Variants in TMEM132D observed in about 807,000 individuals in gnomAD.
The protein encoded by TMEM132D is mature OL transmembrane protein.
TMEM132D carries 21 observed loss-of-function variants against 62.3 expected under a neutral mutation model. The observed-to-expected ratio is 0.34, with a 90% CI of 0.24 to 0.49. The LOEUF is 0.49. Among genes scored for constraint, TMEM132D ranks in the 20% least tolerant of loss-of-function variants. TMEM132D has a pLI of 0.99. For synonymous variants in TMEM132D, 621 were observed against 575.6 expected (o/e 1.08, Z -1.13); for missense variants, 1,346 against 1,402.8 (o/e 0.96, Z 0.65).
chr12:129,850,081 C>T (rs1873491275), intron 1 of TMEM132D, among the ~76,000 whole-genome samples: 1 of 152,192 alleles, frequency 6.6e-6, no homozygotes, highest in Non-Finnish European at 1.5e-5. Flanking sequence ...AACTATGATC[C>T]TAGACTTAGT....
At chr12:129,169,012 C>T (rs1555234181) in intron 5 of TMEM132D, among the ~76,000 whole-genome samples, 1 of 152,178 alleles carries the variant, frequency 6.6e-6, no homozygotes, top group Non-Finnish European at 1.5e-5. Context: ...AAGAATCTAC[C>T]TTTCAAATAT....
chr12:129,101,872 G>C (rs2135636377), intron 5 of TMEM132D, among the ~76,000 whole-genome samples: 1 of 152,178 alleles, frequency 6.6e-6, no homozygotes, highest in East Asian at 1.9e-4. Flanking sequence ...AAAACAATTA[G>C]ATGCAAACAA....
intron 1 of TMEM132D, among the ~76,000 whole-genome samples, chr12:129,798,242 G>A (rs1871624475): frequency 6.6e-6 from 1 of 152,066 alleles, no homozygotes; most frequent in African/African-American, 2.4e-5. Flanking sequence ...TATCGTCTAG[G>A]TACTTCTCTA....
At chr12:129,232,829 A>G (rs1430659691) in intron 4 of TMEM132D, among the ~76,000 whole-genome samples, 3 of 149,672 alleles carry the variant, frequency 2.0e-5, no homozygotes, top group East Asian at 2.0e-4. Context: ...GAGAGAGATA[A>G]AGAGAGAGAG....
chr12:129,301,461 A>T (rs1301041420), intron 4 of TMEM132D, among the ~76,000 whole-genome samples: 1 of 152,080 alleles, frequency 6.6e-6, no homozygotes, highest in Non-Finnish European at 1.5e-5. Context: ...AAAGAGGCTC[A>T]CCTAGGAACT....
In TMEM132D at chr12:129,793,168, C is replaced by T. The variant is rs1246733002; in HGVS notation, c.80-92470G>A. On this transcript the variant is annotated intron_variant, in intron 1 of 8. Coordinates refer to ENST00000422113, the MANE Select transcript of TMEM132D (RefSeq NM_133448.3). The stretch of plus-strand genomic sequence containing the variant: ...GGCTAAAGTGATTTCCCACCTCAGC[C>T]TCCCAGACTGCCAGGATTACAGGCA... 2.6e-5 allele frequency among the ~76,000 whole-genome samples: 4 copies of T among 151,880 alleles called. No individual in the cohort carries two copies. The East Asian group carries it at 7.7e-4, about 29-fold the overall frequency.
At chr12:129,307,626 C>G (rs1356968582) in intron 4 of TMEM132D, among the ~76,000 whole-genome samples, 1 of 152,126 alleles carries the variant, frequency 6.6e-6, no homozygotes, top group African/African-American at 2.4e-5. Flanking sequence ...GAGGCTTCCT[C>G]AGACATTCTC....
Position 129,078,605 on chromosome 12 carries a change from G to T in TMEM132D, c.2044C>A (p.Leu682Ile), listed in dbSNP as rs768548698. ...ATGGCCCTGTTGCTTCCTGGGCTGAGCTGCAAGGAGAGTGACAGCCCTGTC... is the reference window on the plus strand; with the variant it reads ...ATGGCCCTGTTGCTTCCTGGGCTGATCTGCAAGGAGAGTGACAGCCCTGTC... ...LVTGLSLSLQ[L>I]SPGSNRAIFA... is the part of the protein sequence containing the mutation. Residue 682 changes from leucine (L) to isoleucine (I), a missense_variant, in exon 8 of 9, where the codon CTC becomes ATC. Leu to Ile is a conservative substitution (Grantham distance 5). Transcript: ENST00000422113. The T allele has an allele frequency of 6.2e-7, 1 of 1,614,170 alleles. No homozygotes were observed. The highest frequency in any genetic ancestry group is 8.5e-7 in the Non-Finnish European group (1 of 1,180,036).
At chr12:129,330,280 G>T (rs1246326491) in intron 4 of TMEM132D, among the ~76,000 whole-genome samples, 4 of 152,326 alleles carry the variant, frequency 2.6e-5, no homozygotes, top group African/African-American at 9.6e-5. Context: ...CAGCATCTGA[G>T]TATGAAATAT....
At chr12:129,244,723 C>A (rs896468236) in intron 4 of TMEM132D, among the ~76,000 whole-genome samples, 8 of 152,074 alleles carry the variant, frequency 5.3e-5, no homozygotes, top group Non-Finnish European at 8.8e-5. Context: ...TTGCTGCAAT[C>A]TCCACTACCC....
chr12:129,228,526 C>A (rs777684191), intron 4 of TMEM132D, among the ~76,000 whole-genome samples: 1 of 152,152 alleles, frequency 6.6e-6, no homozygotes, highest in Non-Finnish European at 1.5e-5. Context: ...TCACTACCAC[C>A]GTGCTTCAGC....
chr12:129,549,967 G>T (rs141699707), intron 2 of TMEM132D, among the ~76,000 whole-genome samples: 1 of 152,268 alleles, frequency 6.6e-6, no homozygotes, highest in East Asian at 1.9e-4. Context: ...TGTTACTGAG[G>T]CCTAACCTGG....
At chr12:129,338,360 C>T (rs1869359866) in intron 3 of TMEM132D, among the ~76,000 whole-genome samples, 1 of 152,124 alleles carries the variant, frequency 6.6e-6, no homozygotes, top group African/African-American at 2.4e-5. Flanking sequence ...CTGTGATGAG[C>T]ATGGAGAAGT....
At chr12:129,790,625 G>T (rs530720384) in intron 1 of TMEM132D, among the ~76,000 whole-genome samples, 20 of 152,108 alleles carry the variant, frequency 1.3e-4, no homozygotes, top group East Asian at 3.9e-4. Flanking sequence ...GCACAGGATG[G>T]GGGGGCAGGG....
At chr12:129,300,585 C>T (rs1881689798) in intron 4 of TMEM132D, among the ~76,000 whole-genome samples, 3 of 152,122 alleles carry the variant, frequency 2.0e-5, no homozygotes, top group Non-Finnish European at 4.4e-5. Flanking sequence ...AGACTGTGTT[C>T]CTTCTGGAGA....
chr12:129,553,764 C>A (rs534447676), intron 2 of TMEM132D, among the ~76,000 whole-genome samples: 4 of 152,338 alleles, frequency 2.6e-5, no homozygotes, highest in African/African-American at 9.6e-5. Context: ...CCGCAGTCCT[C>A]TTCCATTTTC....
rs1259385450 is a variant in TMEM132D at position 129,539,241 on chromosome 12, T to TC, written c.969-8037_969-8036insG. On this transcript the variant is annotated intron_variant, in intron 2 of 8. Coordinates refer to ENST00000422113, the MANE Select transcript of TMEM132D (RefSeq NM_133448.3). ...TGAAATGTTTATTTCCGGATTTTTT[T>TC]TTTTTTTTGAGACAGACTCTTACTC... 1.3e-5 allele frequency among the ~76,000 whole-genome samples: 2 copies of TC among 151,680 alleles called. 1 individual carries two copies. Among genetic ancestry groups the TC allele is most frequent in the African/African-American group, 4.8e-5 (2 of 41,320 alleles).
intron 4 of TMEM132D, among the ~76,000 whole-genome samples, chr12:129,268,340 A>G (rs1159427537): frequency 6.6e-6 from 1 of 152,208 alleles, no homozygotes; most frequent in East Asian, 1.9e-4. Context: ...ATTTACAAGA[A>G]AAAAACAAAC....
intron 3 of TMEM132D, among the ~76,000 whole-genome samples, chr12:129,396,954 T>C (rs1469007488): frequency 2.0e-5 from 3 of 152,218 alleles, no homozygotes; most frequent in Non-Finnish European, 4.4e-5. Flanking sequence ...GTCACATTGC[T>C]TGTACACCTG....
Sources: gnomAD v4.1 joint callset for allele counts (sites outside exome capture counted in the v4.1 genomes callset) on GRCh38, gnomAD v4.1.1 for gene constraint, MANE v1.5 for transcripts, NCBI Gene and HGNC (gene_info 2026-07-23, HGNC 2026-07-21) for gene names.